CPNE1: variants seen among roughly 807,000 people sequenced by gnomAD.
CPNE1 encodes copine-1.
CPNE1 carries 58 observed loss-of-function variants against 63.2 expected under a neutral mutation model. The ratio of observed to expected loss-of-function variants is 0.92; its 90% CI spans 0.74 to 1.14. The LOEUF (loss-of-function observed/expected upper bound fraction) is 1.14, where lower values mean the gene tolerates loss of function less well. Ranked by LOEUF, CPNE1 falls within the 50% of genes most tolerant of loss-of-function variation. The pLI, the probability that CPNE1 is intolerant of heterozygous loss-of-function variation, is 0.00. For missense variants in CPNE1, 672 were observed against 661.7 expected (o/e 1.02, Z -0.17); for synonymous variants, 237 against 249.0 (o/e 0.95, Z 0.45).
intron 1 of CPNE1, chr20:35,653,398 G>A (rs1231337287): frequency 1.2e-6 from 2 of 1,614,144 alleles, no homozygotes; most frequent in South Asian, 2.2e-5. Flanking sequence ...ACCTGGCACA[G>A]GCATCTTTAA....
rs1037757353 is a variant in CPNE1 at position 35,634,344 on chromosome 20, A to G, written c.1-1421T>C. On this transcript the variant is annotated intron_variant, in intron 1 of 15. Coordinates refer to ENST00000397443, the MANE Select transcript of CPNE1 (RefSeq NM_152925.3). ...TCCCATTTCCTACTGAGCTTAGAAA[A>G]ACTCCAAACTTGGCCAGATATGGTG... is the stretch of plus-strand genomic sequence containing the variant. 7.9e-5 allele frequency among the ~76,000 whole-genome samples: 12 copies of G among 151,016 alleles called. 1 individual carries two copies. Among genetic ancestry groups the G allele is most frequent in the African/African-American group, 2.7e-4 (11 of 40,892 alleles).
Position 35,626,620 on chromosome 20 carries a change from G to A in CPNE1, c.1420C>T (p.Gln474Ter). 6.2e-7 allele frequency: 1 copy of A among 1,614,208 alleles called. No individual in the cohort carries two copies. The highest frequency in any genetic ancestry group is 1.1e-5 in the South Asian group (1 of 91,080). The change falls in exon 15 of 16, where the codon CAG becomes TAG. Residue 474 changes from glutamine (Q) to a stop codon, truncating the protein, a stop_gained. Transcript: ENST00000397443. LOFTEE classifies it high-confidence loss of function. ...DGGPLHTRSG[Q>*]AAARDIVQFV... ...TGCACAATGTCGCGGGCAGCAGCCTGCCCAGAACGTGTATGCAGGGGTCCA... is the reference window on the plus strand; with the variant it reads ...TGCACAATGTCGCGGGCAGCAGCCTACCCAGAACGTGTATGCAGGGGTCCA...
chr20:35,647,139 C>T (rs1182594708), intron 1 of CPNE1, among the ~76,000 whole-genome samples: 4 of 151,698 alleles, frequency 2.6e-5, no homozygotes, highest in African/African-American at 7.3e-5. Context: ...GGTGAAACCC[C>T]ATCTCTACTA....
At chr20:35,661,723 A>G (rs1465090221) in intron 1 of CPNE1, among the ~76,000 whole-genome samples, 2 of 152,210 alleles carry the variant, frequency 1.3e-5, no homozygotes, top group African/African-American at 4.8e-5. Context: ...GGAATTTCAG[A>G]AAAAAATGTC....
At chr20:35,636,323 G>A (rs1309990737) in intron 1 of CPNE1, among the ~76,000 whole-genome samples, 1 of 152,132 alleles carries the variant, frequency 6.6e-6, no homozygotes, top group Non-Finnish European at 1.5e-5. Flanking sequence ...TGCTCTCCCA[G>A]GCAGTGTTTA....
At chr20:35,642,014 C>G (rs2032840989) in intron 1 of CPNE1, among the ~76,000 whole-genome samples, 1 of 152,166 alleles carries the variant, frequency 6.6e-6, no homozygotes. Context: ...AAAGTCATGG[C>G]TTCCTTCACC....
At chr20:35,634,842 G>A (rs1211691319) in intron 1 of CPNE1, among the ~76,000 whole-genome samples, 2 of 151,118 alleles carry the variant, frequency 1.3e-5, no homozygotes, top group Admixed American at 6.6e-5. Context: ...GGGTTCAAGC[G>A]ATCCCTCCCA....
At chr20:35,638,327 T>C (rs550426861) in intron 1 of CPNE1, among the ~76,000 whole-genome samples, 19 of 152,300 alleles carry the variant, frequency 1.2e-4, no homozygotes, top group African/African-American at 4.1e-4. Context: ...TATTAAATGA[T>C]AGTCAATTAA....
chr20:35,660,894 A>G (rs1440965276), intron 1 of CPNE1, among the ~76,000 whole-genome samples: 1 of 152,204 alleles, frequency 6.6e-6, no homozygotes, highest in Non-Finnish European at 1.5e-5. Flanking sequence ...CAGCCAGTTA[A>G]GCTCAAAGGG....
Position 35,632,935 on chromosome 20 carries a change from G to C in CPNE1, c.1-12C>G, listed in dbSNP as rs1403827787. 4 of 868,776 alleles carry C rather than the reference G, an allele frequency of 4.6e-6. No individual in the cohort carries two copies. The highest frequency in any genetic ancestry group is 1.7e-5 in the Admixed American group (1 of 58,816). 53.8% of individuals were successfully genotyped at this position (868,776 alleles called of 1,614,324 possible). A position where few individuals can be genotyped will look rare whatever the true frequency, so the allele number is the denominator to read the frequency against. On this transcript the variant is annotated splice_polypyrimidine_tract_variant and intron_variant, in intron 1 of 15. Coordinates refer to ENST00000397443, the MANE Select transcript of CPNE1 (RefSeq NM_152925.3). ...ACGCAGTGGGCCATCTGAGGGAAAA[G>C]GAGCTGGGTCAAGCACCAGGGAGCC...
At position 35,653,749 on chromosome 20, in the gene CPNE1, C is replaced by G. The variant is rs1236236384; in HGVS notation, c.-1+11011G>C. 13 of 1,614,060 alleles carry G rather than the reference C, an allele frequency of 8.1e-6. No individual in the cohort carries two copies. The highest frequency in any genetic ancestry group is 1.0e-5 in the Non-Finnish European group (12 of 1,180,050). On this transcript the variant is annotated intron_variant, in intron 1 of 15. Coordinates refer to ENST00000397443, the MANE Select transcript of CPNE1 (RefSeq NM_152925.3). ...TAGTATCATTTCCCTCTGGTCATAG[C>G]TGAAGTTCTGCAGTCTTTTTCGAAT...
chr20:35,656,696 G>C (rs2033918935), intron 1 of CPNE1, among the ~76,000 whole-genome samples: 1 of 152,090 alleles, frequency 6.6e-6, no homozygotes, highest in African/African-American at 2.4e-5. Context: ...CACCATGCCT[G>C]GCTAAGTGTT....
chr20:35,662,286 G>A (rs1029033266), intron 1 of CPNE1, among the ~76,000 whole-genome samples: 92 of 152,152 alleles, frequency 6.0e-4, no homozygotes, highest in Non-Finnish European at 3.4e-4. Context: ...TTTCACTTCA[G>A]AGCAAAATTA....
chr20:35,650,504 TTG>T (rs1331764185), intron 1 of CPNE1: 1 of 152,646 alleles, frequency 6.6e-6, no homozygotes, highest in Non-Finnish European at 1.5e-5. Flanking sequence ...GTTTTTTGCA[TTG>T]TCTTTGGAAT....
chr20:35,626,853 C>T (rs1323172515), intron 14 of CPNE1, 50 bp from the exon 15 acceptor site: 1 of 1,428,720 alleles, frequency 7.0e-7, no homozygotes. Context: ...TCCTAAACCC[C>T]TGCAAACACC....
chr20:35,639,278 G>C (rs962127161), intron 1 of CPNE1, among the ~76,000 whole-genome samples: 3 of 152,052 alleles, frequency 2.0e-5, no homozygotes, highest in Non-Finnish European at 4.4e-5. Flanking sequence ...GCGGATATAT[G>C]GGTATAATTT....
chr20:35,642,331 C>G (rs1292244413), intron 1 of CPNE1, among the ~76,000 whole-genome samples: 4 of 152,188 alleles, frequency 2.6e-5, no homozygotes, highest in African/African-American at 7.2e-5. Context: ...AGAAGTTGTA[C>G]AGAGGCTGCA....
chr20:35,631,405 G>T, intron 8 of CPNE1, 51 bp from the exon 9 acceptor site: 2 of 1,606,120 alleles, frequency 1.2e-6, no homozygotes, highest in South Asian at 1.1e-5. Flanking sequence ...CATCAGTCAA[G>T]GACTCGAGCT....
chr20:35,634,844 T>C (rs2032394530), intron 1 of CPNE1, among the ~76,000 whole-genome samples: 1 of 150,530 alleles, frequency 6.6e-6, no homozygotes, highest in African/African-American at 2.4e-5. Context: ...GTTCAAGCGA[T>C]CCCTCCCACC....
Sources: gnomAD v4.1 joint callset for allele counts (sites outside exome capture counted in the v4.1 genomes callset) on GRCh38, gnomAD v4.1.1 for gene constraint, MANE v1.5 for transcripts, NCBI Gene and HGNC (gene_info 2026-07-23, HGNC 2026-07-21) for gene names.